Variants in TNIP2 observed in about 807,000 individuals in gnomAD.
The protein encoded by TNIP2 is TNFAIP3-interacting protein 2.
TNIP2 carries 30 observed loss-of-function variants against 43.7 expected under a neutral mutation model. That is an observed-to-expected ratio of 0.69 (90% CI 0.51 to 0.93). The LOEUF is 0.93. Among genes scored for constraint, TNIP2 ranks in the 40% least tolerant of loss-of-function variants. The pLI is 0.00. For missense variants in TNIP2, 599 were observed against 591.0 expected (o/e 1.01, Z -0.14); for synonymous variants, 260 against 254.6 (o/e 1.02, Z -0.20).
rs982778292 is a variant in TNIP2, at chr4:2,741,955, C to T, written c.*302G>A. On this transcript the variant is annotated 3_prime_UTR_variant, in exon 6 of 6. Coordinates refer to ENST00000315423, the MANE Select transcript of TNIP2 (RefSeq NM_024309.4). ...CTTTCTAGGCAGGCTGGGGGAGGGG[C>T]TGGCACACCAGCACCAGATAGCTCT... 37 of 272,860 alleles carry T rather than the reference C, an allele frequency of 1.4e-4. No individual in the cohort carries two copies. Among genetic ancestry groups the T allele is most frequent in the African/African-American group, 7.6e-4 (35 of 45,854 alleles). 16.9% of individuals were successfully genotyped at this position (272,860 alleles called of 1,614,324 possible).
At chr4:2,747,581 G>A in intron 2 of TNIP2, 74 bp downstream of exon 2, 1 of 1,507,482 alleles carries the variant, frequency 6.6e-7, no homozygotes, top group Non-Finnish European at 8.9e-7. Flanking sequence ...CCCCACCTCT[G>A]TGATCAGGGG....
intron 1 of TNIP2, among the ~76,000 whole-genome samples, chr4:2,748,714 G>T (rs1722021071): frequency 7.5e-6 from 1 of 134,104 alleles, no homozygotes; most frequent in South Asian, 2.1e-4. Context: ...GGCTAATCTC[G>T]AATTCCTGAC....
chr4:2,744,400 A>G lies in TNIP2; in HGVS notation c.1013T>C (p.Val338Ala). 6 of 1,614,224 alleles carry G rather than the reference A, an allele frequency of 3.7e-6. No individual in the cohort carries two copies. The highest frequency in any genetic ancestry group is 5.1e-6 in the Non-Finnish European group (6 of 1,180,044). ...CTCATACTCTACCTGTCTCCAGGACACCTGGTGCAGCAAAGAGGCGACCTT... is the reference window on the plus strand; with the variant it reads ...CTCATACTCTACCTGTCTCCAGGACGCCTGGTGCAGCAAAGAGGCGACCTT... ...EEKVASLLHQ[V>A]SWRQDSREPD... Residue 338 changes from valine to alanine, a missense_variant, in exon 5 of 6, where the codon GTG (valine) becomes GCG (alanine). Transcript: ENST00000315423. This position sits in a 1 kb window ranked among gnomAD's most constrained non-coding sequence, Gnocchi z 5.1.
intron 1 of TNIP2, among the ~76,000 whole-genome samples, chr4:2,755,410 A>AC (rs1176200263): frequency 3.7e-5 from 5 of 135,526 alleles, no homozygotes; most frequent in East Asian, 2.3e-4. Context: ...AACTGCACCA[A>AC]CCCCCCTCCT....
intron 1 of TNIP2, among the ~76,000 whole-genome samples, chr4:2,749,984 T>C (rs965749554): frequency 2.6e-5 from 4 of 152,158 alleles, no homozygotes; most frequent in Admixed American, 2.0e-4. Flanking sequence ...CTAATTTCTG[T>C]ATTTTTTGCA....
rs1721882150 is a variant in TNIP2 at position 2,744,467 on chromosome 4, C to T, written c.946G>A (p.Asp316Asn). 1.2e-6 allele frequency: 2 copies of T among 1,614,094 alleles called. No homozygotes were observed. Among genetic ancestry groups the T allele is most frequent in the Non-Finnish European group, 8.5e-7 (1 of 1,180,022 alleles). The change falls in exon 5 of 6, where the codon GAT (aspartate) becomes AAT (asparagine). Residue 316 changes from aspartate (D) to asparagine (N), a missense_variant. By Grantham distance (23) the Asp-to-Asn change is conservative (BLOSUM62 1). Coordinates refer to ENST00000315423, the MANE Select transcript of TNIP2 (RefSeq NM_024309.4). This position sits in a 1 kb window ranked among gnomAD's most constrained non-coding sequence, Gnocchi z 5.1. ...ATCCTACTTTGAGCCCGTTCCCGATCGGCCCTTTCTGACATGAAGTCATCC... is the reference window on the plus strand; with the variant it reads ...ATCCTACTTTGAGCCCGTTCCCGATTGGCCCTTTCTGACATGAAGTCATCC... ...YKDDFMSERADRERAQSRIQE... is the reference protein window; with the variant it reads ...YKDDFMSERANRERAQSRIQE...
chr4:2,745,478 C>T lies in TNIP2; in HGVS notation c.625G>A (p.Glu209Lys). ...VQSVIEKLQE[E>K]NRLLKQKVTH... Reference sequence around the variant, plus strand: ...ACCTTCTGTTTTAACAGTCGATTTTCTTCCTGCAACTTCTCAATAACACTC... The same window carrying T: ...ACCTTCTGTTTTAACAGTCGATTTTTTTCCTGCAACTTCTCAATAACACTC... Residue 209 changes from glutamate to lysine, a missense_variant, in exon 3 of 6, where the codon GAA (glutamate) becomes AAA (lysine). Coordinates refer to ENST00000315423, the MANE Select transcript of TNIP2 (RefSeq NM_024309.4). The T allele has an allele frequency of 6.2e-7, 1 of 1,613,060 alleles. No individual in the cohort carries two copies. The highest frequency in any genetic ancestry group is 8.5e-7 in the Non-Finnish European group (1 of 1,179,582).
chr4:2,744,943 A>G lies in TNIP2; in HGVS notation c.660T>C (p.Val220=). The G allele has an allele frequency of 1.9e-6, 3 of 1,601,600 alleles. No homozygotes were observed. The highest frequency in any genetic ancestry group is 2.6e-6 in the Non-Finnish European group (3 of 1,170,398). Residue 220 remains valine (V), a splice_region_variant and synonymous_variant, in exon 4 of 6, where the codon GTT becomes GTC. Transcript: ENST00000315423. The surrounding 1 kb of genome is among the most constrained non-coding windows in gnomAD (Gnocchi z 5.1). ...GCTGCCACTTGGCATTGAGGTCTTC[A>G]ACCTGAAGAGGTGGAGCCGGAAAGC... ...NRLLKQKVTH[V]EDLNAKWQRY... is the part of the protein sequence containing the mutation.
At chr4:2,747,606 T>C in intron 2 of TNIP2, 49 bp downstream of exon 2, 1 of 1,554,132 alleles carries the variant, frequency 6.4e-7, no homozygotes, top group Non-Finnish European at 8.7e-7. Flanking sequence ...TAGGCGATGC[T>C]CCCAGCACAC....
At chr4:2,746,487 G>A (rs978836632) in intron 2 of TNIP2, among the ~76,000 whole-genome samples, 3 of 152,082 alleles carry the variant, frequency 2.0e-5, no homozygotes, top group South Asian at 2.1e-4. Flanking sequence ...CCCTGCCTCC[G>A]CCCAGACGGC....
chr4:2,746,706 G>A (rs1373797220), intron 2 of TNIP2, among the ~76,000 whole-genome samples: 1 of 152,228 alleles, frequency 6.6e-6, no homozygotes. Context: ...TCAGAGAACT[G>A]CCTAGAAAGG....
chr4:2,752,753 T>C (rs1327326101), intron 1 of TNIP2, among the ~76,000 whole-genome samples: 1 of 152,132 alleles, frequency 6.6e-6, no homozygotes, highest in Non-Finnish European at 1.5e-5. Context: ...TTGCATAAAA[T>C]ACCAGATAAG....
In TNIP2 at chr4:2,744,802, C is replaced by G. The variant is rs779610363; in HGVS notation, c.801G>C (p.Gln267His). Residue 267 changes from glutamine to histidine, a missense_variant, in exon 4 of 6, where the codon CAG (glutamine) becomes CAC (histidine). Transcript: ENST00000315423. The surrounding 1 kb of genome is among the most constrained non-coding windows in gnomAD (Gnocchi z 5.1). The stretch of plus-strand genomic sequence containing the variant: ...CACAGTCATTTATTTTCTCTTCCAA[C>G]TGTCTGTTGAGCCGGGAGATCTCCT... ...MRKEISRLNR[Q>H]LEEKINDCAE... 6.2e-7 allele frequency: 1 copy of G among 1,613,450 alleles called. No homozygotes were observed. Among genetic ancestry groups the G allele is most frequent in the South Asian group, 1.1e-5 (1 of 91,092 alleles).
intron 1 of TNIP2, among the ~76,000 whole-genome samples, chr4:2,752,552 G>C (rs1722130752): frequency 6.6e-6 from 1 of 152,170 alleles, no homozygotes; most frequent in Admixed American, 6.6e-5. Context: ...TACTGGTCCA[G>C]GGTTCCTGCT....
intron 5 of TNIP2, among the ~76,000 whole-genome samples, chr4:2,742,792 A>C (rs57232780): frequency 6.6e-6 from 1 of 152,284 alleles, no homozygotes; most frequent in South Asian, 2.1e-4. Context: ...AGTTGGACCT[A>C]TCGGCCCCAG....
Position 2,756,224 on chromosome 4 carries a change from G to T in TNIP2, c.66C>A (p.Thr22=). 1 of 1,463,340 alleles carries T rather than the reference G, an allele frequency of 6.8e-7. No homozygotes were observed. The highest frequency in any genetic ancestry group is 2.5e-5 in the Admixed American group (1 of 39,630). The allele number at this position is 1,463,340 out of a possible 1,614,324, so 90.6% of individuals were successfully genotyped here. Residue 22 remains threonine, a synonymous_variant, in exon 1 of 6, where the codon ACC becomes ACA. Coordinates refer to ENST00000315423, the MANE Select transcript of TNIP2 (RefSeq NM_024309.4). ...EAPRAAAALC[T]LYHEAGQRLR... is the part of the protein sequence containing the mutation. ...GCCGCTGTCCGGCCTCGTGGTACAG[G>T]GTGCAGAGCGCGGCAGCTGCGCGCG...
Position 2,756,152 on chromosome 4 carries a change from A to T in TNIP2, c.138T>A (p.Ala46=). 6.8e-7 allele frequency: 1 copy of T among 1,476,656 alleles called. No individual in the cohort carries two copies. Among genetic ancestry groups the T allele is most frequent in the Non-Finnish European group, 8.9e-7 (1 of 1,121,844 alleles). 91.5% of individuals were successfully genotyped at this position (1,476,656 alleles called of 1,614,324 possible). Residue 46 remains alanine (A), a synonymous_variant, in exon 1 of 6, where the codon GCT becomes GCA. Coordinates refer to ENST00000315423, the MANE Select transcript of TNIP2 (RefSeq NM_024309.4). ...DQLAARDALI[A]RLRARLAALE... The stretch of plus-strand genomic sequence containing the variant: ...GCGCGGCCAGGCGGGCGCGGAGGCG[A>T]GCGATGAGGGCGTCGCGGGCAGCGA...
intron 1 of TNIP2, chr4:2,755,799 A>C: frequency 4.7e-6 from 1 of 214,026 alleles, no homozygotes; most frequent in Non-Finnish European, 7.3e-6. Context: ...ACCCCTCAGG[A>C]GCCGGGGCCC....
In TNIP2 at chr4:2,742,197, C is replaced by G. The variant is rs553763649; in HGVS notation, c.*60G>C. ...ACCCATGGCATCTGAGAGCACCCAC[C>G]CTGTCCCTGAGGGCAGCTGCACCGG... On this transcript the variant is annotated 3_prime_UTR_variant, in exon 6 of 6. Coordinates refer to ENST00000315423, the MANE Select transcript of TNIP2 (RefSeq NM_024309.4). 7.2e-7 allele frequency: 1 copy of G among 1,391,770 alleles called. No individual in the cohort carries two copies. The highest frequency in any genetic ancestry group is 2.7e-5 in the East Asian group (1 of 36,580). 86.2% of individuals were successfully genotyped at this position (1,391,770 alleles called of 1,614,324 possible).
Sources: allele counts gnomAD v4.1 joint callset (sites outside exome capture counted in the v4.1 genomes callset), GRCh38; gene constraint gnomAD v4.1.1; non-coding constraint Gnocchi (gnomAD v3.1); transcripts MANE v1.5; gene names NCBI Gene and HGNC (gene_info 2026-07-23, HGNC 2026-07-21).